Variants in SON observed in about 807,000 individuals in gnomAD.
SON encodes the protein protein SON.
In SON, 4 loss-of-function variants were observed where a neutral mutation model predicts 173.3. That is an observed-to-expected ratio of 0.02 (90% CI 0.01 to 0.05). The LOEUF is 0.05. Ranked by LOEUF, SON falls within the 10% of genes least tolerant of loss-of-function variation. SON has a pLI of 1.00. For synonymous variants in SON, 1,190 were observed against 1,105.9 expected, an observed-to-expected ratio of 1.08 and a Z score of -1.51; for missense variants, 2,626 against 3,055.3, an observed-to-expected ratio of 0.86 and a Z score of 3.31.
chr21:33,576,142 T>G (rs2086394911), intron 11 of SON, among the ~76,000 whole-genome samples: 1 of 152,210 alleles, frequency 6.6e-6, no homozygotes, highest in African/African-American at 2.4e-5. Flanking sequence ...TGTGGGGAAT[T>G]AATTTAATAC....
intron 8 of SON, chr21:33,572,440 T>C (rs1266981677): frequency 1.9e-6 from 1 of 520,864 alleles, no homozygotes; most frequent in Non-Finnish European, 3.6e-6. Flanking sequence ...GGACATTAAG[T>C]GGTTTGCTGC....
In SON at chr21:33,552,684, T is replaced by G. The variant is rs1340313718; in HGVS notation, c.3453T>G (p.Pro1151=). 1.9e-6 allele frequency: 3 copies of G among 1,614,112 alleles called. No individual in the cohort carries two copies. Among genetic ancestry groups the G allele is most frequent in the Non-Finnish European group, 2.5e-6 (3 of 1,180,018 alleles). ...CATATATGGTGCCACCTTTGCCTCC[T>G]GAAGAGCCCCCAACAATGCCACCGT... ...TEAYMVPPLP[P]EEPPTMPPLP... is the part of the protein sequence containing the mutation. The change falls in exon 3 of 12, where the codon CCT becomes CCG. Residue 1151 remains proline, a synonymous_variant. Transcript: ENST00000356577. The surrounding 1 kb of genome is among the most constrained non-coding windows in gnomAD (Gnocchi z 5.6).
At chr21:33,569,706 A>G (rs2086243584) in intron 8 of SON, 3 of 413,550 alleles carry the variant, frequency 7.3e-6, no homozygotes, top group Non-Finnish European at 1.5e-5. Flanking sequence ...TTAGCTCTGC[A>G]TGTGGTGATC....
At chr21:33,573,559 A>G (rs2086333907) in intron 9 of SON, 104 bp downstream of exon 9, 1 of 941,792 alleles carries the variant, frequency 1.1e-6, no homozygotes, top group Non-Finnish European at 1.6e-6. Context: ...CTTCTTGTAT[A>G]TATACAGGTA....
intron 9 of SON, among the ~76,000 whole-genome samples, chr21:33,574,848 A>G (rs909024433): frequency 2.0e-5 from 3 of 152,186 alleles, no homozygotes; most frequent in African/African-American, 2.4e-5. Flanking sequence ...GGTTATGTTC[A>G]TATTTTGAGA....
chr21:33,552,697 A>G lies in SON; in HGVS notation c.3466A>G (p.Thr1156Ala), dbSNP rs764141792. The change falls in exon 3 of 12, where the codon ACA (threonine) becomes GCA (alanine). Residue 1156 changes from threonine to alanine, a missense_variant. By Grantham distance (58) the Thr-to-Ala change is moderately conservative. Coordinates refer to ENST00000356577, the MANE Select transcript of SON (RefSeq NM_138927.4). The surrounding 1 kb of genome is among the most constrained non-coding windows in gnomAD (Gnocchi z 5.6). ...ACCTTTGCCTCCTGAAGAGCCCCCA[A>G]CAATGCCACCGTTGCCACCTGAGGA... is the stretch of plus-strand genomic sequence containing the variant. The part of the protein sequence containing the change: ...VPPLPPEEPP[T>A]MPPLPPEEPP... 6.8e-6 allele frequency: 11 copies of G among 1,613,916 alleles called. No individual in the cohort carries two copies. The highest frequency in any genetic ancestry group is 5.3e-5 in the African/African-American group (4 of 74,894).
At chr21:33,575,516 G>T in intron 9 of SON, 80 bp from the exon 10 acceptor site, 1 of 867,826 alleles carries the variant, frequency 1.2e-6, no homozygotes, top group South Asian at 1.7e-5. Flanking sequence ...CATACATTTT[G>T]AGGTTCAGAC....
chr21:33,557,626 G>A (rs1229015823), intron 4 of SON: 1 of 1,546,130 alleles, frequency 6.5e-7, no homozygotes, highest in Non-Finnish European at 8.7e-7. Context: ...GCAGAAGCTC[G>A]CCTACAGTTT....
chr21:33,563,099 A>G (rs2086098124), intron 6 of SON, among the ~76,000 whole-genome samples: 1 of 152,148 alleles, frequency 6.6e-6, no homozygotes, highest in Non-Finnish European at 1.5e-5. Context: ...AAAAATGAAA[A>G]TTTTAATTGG....
rs189305555 is a variant in SON, at chr21:33,560,104, G to T, written c.6657+329G>T. The stretch of plus-strand genomic sequence containing the variant: ...ATTTAGCTTCCCGATTTGCTTCAAG[G>T]CTCTATAGCTCTAGATTTTGGTGGT... On this transcript the variant is annotated intron_variant, in intron 6 of 11. Transcript: ENST00000356577. 22 of 1,613,536 alleles carry T rather than the reference G, an allele frequency of 1.4e-5. No homozygotes were observed. The highest frequency in any genetic ancestry group is 1.2e-4 in the Admixed American group (7 of 59,932).
rs375451722 is a variant in SON at position 33,554,402 on chromosome 21, A to G, written c.5171A>G (p.Asn1724Ser). 35 of 1,614,070 alleles carry G rather than the reference A, an allele frequency of 2.2e-5. No individual in the cohort carries two copies. Among genetic ancestry groups the G allele is most frequent in the Non-Finnish European group, 2.4e-5 (28 of 1,180,038 alleles). Residue 1724 changes from asparagine to serine, a missense_variant, in exon 3 of 12, where the codon AAT (asparagine) becomes AGT (serine). Coordinates refer to ENST00000356577, the MANE Select transcript of SON (RefSeq NM_138927.4). ...ETLPDSGFSA[N>S]IEDINEADLV... is the part of the protein sequence containing the mutation. ...CTGCCTGATTCAGGATTTTCTGCCAATATTGAGGATATTAATGAAGCAGAT... is the reference window on the plus strand; with the variant it reads ...CTGCCTGATTCAGGATTTTCTGCCAGTATTGAGGATATTAATGAAGCAGAT...
intron 6 of SON, among the ~76,000 whole-genome samples, chr21:33,561,607 T>C (rs528694562): frequency 2.9e-4 from 44 of 152,326 alleles, no homozygotes; most frequent in African/African-American, 1.0e-3. Context: ...TAACTCCTGA[T>C]GCTTACACTT....
chr21:33,573,549 C>CTT, intron 9 of SON, 94 bp downstream of exon 9: 1 of 1,109,242 alleles, frequency 9.0e-7, no homozygotes, highest in South Asian at 1.7e-5. Context: ...ACTGAAGGCA[C>CTT]TTCTTGTATA....
At chr21:33,561,058 T>G (rs74497889) in intron 6 of SON, 1 of 152,166 alleles carries the variant, frequency 6.6e-6, no homozygotes, top group Non-Finnish European at 1.5e-5. Context: ...ACTTTTTTTT[T>G]GTTTGTTTGA....
At position 33,555,041 on chromosome 21, in the gene SON, G is replaced by A. The variant is rs768337493; in HGVS notation, c.5810G>A (p.Arg1937Gln). 1.2e-6 allele frequency: 2 copies of A among 1,612,930 alleles called. No homozygotes were observed. Among genetic ancestry groups the A allele is most frequent in the South Asian group, 1.1e-5 (1 of 91,082 alleles). Residue 1937 changes from arginine to glutamine, a missense_variant, in exon 3 of 12, where the codon CGA (arginine) becomes CAA (glutamine). Transcript: ENST00000356577. ...AGTCGGAGTCATACTCCAAGTCGTC[G>A]ACGAAGGTCTAGATCTGTGGGTAGA... ...RRSRSHTPSR[R>Q]RRSRSVGRRR...
At chr21:33,555,617 T>C (rs955063628) in intron 3 of SON, among the ~76,000 whole-genome samples, 2 of 152,200 alleles carry the variant, frequency 1.3e-5, no homozygotes, top group Middle Eastern at 3.2e-3. Flanking sequence ...CCAAGGTGTT[T>C]CCATATTTGA....
Position 33,553,370 on chromosome 21 carries a change from C to T in SON, c.4139C>T (p.Thr1380Ile). 6.2e-7 allele frequency: 1 copy of T among 1,610,980 alleles called. No homozygotes were observed. Among genetic ancestry groups the T allele is most frequent in the South Asian group, 1.1e-5 (1 of 91,034 alleles). ...SSTVTVLESSTVTVLEPSVVT... is the reference protein window; with the variant it reads ...SSTVTVLESSIVTVLEPSVVT... ...ACTGTGACTGTCCTGGAGTCTTCGACTGTAACTGTCCTGGAGCCTTCGGTT... is the reference window on the plus strand; with the variant it reads ...ACTGTGACTGTCCTGGAGTCTTCGATTGTAACTGTCCTGGAGCCTTCGGTT... Residue 1380 changes from threonine to isoleucine, a missense_variant, in exon 3 of 12, where the codon ACT becomes ATT. Physicochemically the swap from Thr to Ile is moderately conservative, Grantham distance 89. Transcript: ENST00000356577.
At position 33,553,226 on chromosome 21, in the gene SON, C is replaced by T; in HGVS notation, c.3995C>T (p.Pro1332Leu). ...ASEVSTSLLV[P>L]AVTTPVLAES... Reference sequence around the variant, plus strand: ...GAAGTATCTACATCCTTGTTGGTTCCAGCAGTAACTACTCCAGTGCTGGCA... The same window carrying T: ...GAAGTATCTACATCCTTGTTGGTTCTAGCAGTAACTACTCCAGTGCTGGCA... Residue 1332 changes from proline (P) to leucine (L), a missense_variant, in exon 3 of 12, where the codon CCA becomes CTA. Physicochemically the swap from Pro to Leu is moderately conservative, Grantham distance 98. This residue lies in a region of SON where 1,006 missense variants were observed against 895.6 expected (regional missense o/e 1.12). Coordinates refer to ENST00000356577, the MANE Select transcript of SON (RefSeq NM_138927.4). 1 of 1,614,156 alleles carries T rather than the reference C, an allele frequency of 6.2e-7. No homozygotes were observed. The highest frequency in any genetic ancestry group is 8.5e-7 in the Non-Finnish European group (1 of 1,180,030).
intron 6 of SON, among the ~76,000 whole-genome samples, chr21:33,566,435 G>A (rs1020921269): frequency 2.6e-5 from 4 of 152,006 alleles, no homozygotes; most frequent in Non-Finnish European, 4.4e-5. Flanking sequence ...TCCACTTGCC[G>A]TAAGGTTTTA....
Sources: allele counts gnomAD v4.1 joint callset (sites outside exome capture counted in the v4.1 genomes callset), GRCh38; gene constraint gnomAD v4.1.1; regional missense constraint gnomAD v4.1.1; non-coding constraint Gnocchi (gnomAD v3.1); transcripts MANE v1.5; gene names NCBI Gene and HGNC (gene_info 2026-07-23, HGNC 2026-07-21).